The following SMIM10L3 variants were observed in gnomAD, a reference collection of about 807,000 sequenced individuals.
SMIM10L3 encodes small integral membrane protein 10 like 3.
chr7:6,330,328 T>C, the SMIM10L3 span: 1 of 1,538,592 alleles, frequency 6.5e-7, no homozygotes, highest in South Asian at 1.2e-5. Context: ...GAAATCATTC[T>C]AAGACAACTC....
At chr7:6,336,174 A>G in the SMIM10L3 span, among the ~76,000 whole-genome samples, 1 of 144,942 alleles carries the variant, frequency 6.9e-6, no homozygotes, top group African/African-American at 2.5e-5. Flanking sequence ...TTTTGCCTCA[A>G]AAAAAAAAAA....
the SMIM10L3 span, among the ~76,000 whole-genome samples, chr7:6,337,200 T>C: frequency 3.8e-4 from 58 of 152,206 alleles, no homozygotes; most frequent in African/African-American, 1.1e-3. Flanking sequence ...GCCTCCCAAG[T>C]AGCTGAGACT....
chr7:6,337,692 T>C, the SMIM10L3 span, among the ~76,000 whole-genome samples: 197 of 151,928 alleles, frequency 1.3e-3, 7 homozygotes, highest in African/African-American at 4.6e-3. Context: ...AAGGTAAACA[T>C]GTATTCAATC....
the SMIM10L3 span, among the ~76,000 whole-genome samples, chr7:6,337,996 G>T: frequency 6.6e-6 from 1 of 151,664 alleles, no homozygotes; most frequent in Admixed American, 6.6e-5. Context: ...TAGAGACATG[G>T]TTTCACCATG....
At chr7:6,330,320 A>T in the SMIM10L3 span, 2 of 1,515,240 alleles carry the variant, frequency 1.3e-6, no homozygotes, top group East Asian at 2.3e-5. Flanking sequence ...ATGCGAAAGA[A>T]ATCATTCTAA....
the SMIM10L3 span, among the ~76,000 whole-genome samples, chr7:6,337,978 A>G: frequency 6.6e-6 from 1 of 151,270 alleles, no homozygotes; most frequent in Non-Finnish European, 1.5e-5. Flanking sequence ...TAATTTTTGT[A>G]TTTTCAGTAG....
the SMIM10L3 span, among the ~76,000 whole-genome samples, chr7:6,343,647 G>T: frequency 6.6e-6 from 1 of 151,890 alleles, no homozygotes; most frequent in East Asian, 1.9e-4. Context: ...AACTCCAGGA[G>T]ATTAAGGCTT....
chr7:6,342,744 A>G, the SMIM10L3 span, among the ~76,000 whole-genome samples: 1 of 152,122 alleles, frequency 6.6e-6, no homozygotes, highest in Non-Finnish European at 1.5e-5. Flanking sequence ...CAAAAACAAA[A>G]GACTAAGCAG....
the SMIM10L3 span, among the ~76,000 whole-genome samples, chr7:6,340,760 G>A: frequency 5.3e-5 from 8 of 151,694 alleles, no homozygotes; most frequent in Middle Eastern, 3.4e-3. Flanking sequence ...TTAGCCGGGC[G>A]TGGTGGTGGG....
the SMIM10L3 span, among the ~76,000 whole-genome samples, chr7:6,336,738 C>T: frequency 2.0e-5 from 3 of 151,828 alleles, no homozygotes; most frequent in Non-Finnish European, 2.9e-5. Context: ...ACTGCAGCCT[C>T]GACTTCCTCA....
At chr7:6,332,555 T>C in the SMIM10L3 span, among the ~76,000 whole-genome samples, 27 of 152,144 alleles carry the variant, frequency 1.8e-4, no homozygotes, top group Admixed American at 1.6e-3. Context: ...TGGTGGCTCA[T>C]GCTTATAAAC....
At chr7:6,331,086 C>T in the SMIM10L3 span, 44 of 1,613,506 alleles carry the variant, frequency 2.7e-5, no homozygotes, top group East Asian at 8.9e-5. Context: ...ATAGTTTGTC[C>T]GAGTCACCTC....
the SMIM10L3 span, among the ~76,000 whole-genome samples, chr7:6,341,529 A>AT: frequency 1.3e-5 from 2 of 149,326 alleles, no homozygotes; most frequent in South Asian, 2.1e-4. Flanking sequence ...CTAAAAAAAA[A>AT]TTTTTTTTAA....
chr7:6,333,836 G>T, the SMIM10L3 span, among the ~76,000 whole-genome samples: 1 of 143,834 alleles, frequency 7.0e-6, no homozygotes, highest in Non-Finnish European at 1.5e-5. Context: ...CGAACTCCTG[G>T]CCTCTTTTTT....
chr7:6,348,098 C>A, the SMIM10L3 span, among the ~76,000 whole-genome samples: 1 of 149,358 alleles, frequency 6.7e-6, no homozygotes, highest in African/African-American at 2.5e-5. Context: ...TTAGTAGAGA[C>A]GGGGTTTCTC....
chr7:6,336,264 C>G, the SMIM10L3 span, among the ~76,000 whole-genome samples: 1 of 151,902 alleles, frequency 6.6e-6, no homozygotes, highest in East Asian at 1.9e-4. Flanking sequence ...GAGAGGACTG[C>G]TTGAGCCTAG....
the SMIM10L3 span, among the ~76,000 whole-genome samples, chr7:6,342,198 CTTTT>C: frequency 6.6e-6 from 1 of 151,800 alleles, no homozygotes; most frequent in East Asian, 1.9e-4. Context: ...TTTTTTCTTT[CTTTT>C]TCTTTGTTTC....
chr7:6,330,804 C>T, the SMIM10L3 span: 1 of 1,614,094 alleles, frequency 6.2e-7, no homozygotes, highest in Non-Finnish European at 8.5e-7. Context: ...CACTGCAGGA[C>T]ACCCGAGCAA....
the SMIM10L3 span, among the ~76,000 whole-genome samples, chr7:6,336,898 C>T: frequency 6.6e-6 from 1 of 152,100 alleles, no homozygotes; most frequent in Non-Finnish European, 1.5e-5. Context: ...AAGTGATCCG[C>T]CCACCTCAGC....
Sources: gnomAD v4.1 joint callset for allele counts (sites outside exome capture counted in the v4.1 genomes callset) on GRCh38, gnomAD v4.1.1 for gene constraint, MANE v1.5 for transcripts, NCBI Gene and HGNC (gene_info 2026-07-23, HGNC 2026-07-21) for gene names.